The following DNAH6 variants were observed in gnomAD, a reference collection of about 807,000 sequenced individuals.
DNAH6 encodes axonemal beta dynein heavy chain 6.
A neutral mutation model predicts 491.4 loss-of-function variants in DNAH6; 340 were observed. The observed-to-expected ratio is 0.69, with a 90% CI of 0.63 to 0.76. The LOEUF is 0.76. DNAH6 is among the 30% of genes least tolerant of loss of function. The pLI is 0.00. For missense variants in DNAH6, 4,443 were observed against 4,972.2 expected (o/e 0.89, Z 3.20); for synonymous variants, 1,603 against 1,686.1 (o/e 0.95, Z 1.21).
Position 84,650,633 on chromosome 2 carries a change from T to A in DNAH6, c.5079-2686T>A, listed in dbSNP as rs545841495. On this transcript the variant is annotated intron_variant, in intron 33 of 76. Transcript: ENST00000389394. ...TGTGTGTAGTCACATGTACCTATAG[T>A]CTTGGCTAGTCAGAAGGCTGAGGCG... Among the ~76,000 whole-genome samples the A allele has an allele frequency of 2.6e-5, 4 of 152,278 alleles. No homozygotes were observed. In the South Asian group the frequency reaches 8.3e-4, roughly 32 times the overall value.
intron 35 of DNAH6, among the ~76,000 whole-genome samples, chr2:84,656,351 G>A (rs1011505435): frequency 6.6e-6 from 1 of 152,064 alleles, no homozygotes; most frequent in Non-Finnish European, 1.5e-5. Flanking sequence ...GTTTAGCTTT[G>A]TAAGAAACTG....
chr2:84,677,520 A>C (rs769892469), intron 41 of DNAH6, among the ~76,000 whole-genome samples: 1 of 152,208 alleles, frequency 6.6e-6, no homozygotes, highest in Non-Finnish European at 1.5e-5. Context: ...ACTTGCCACC[A>C]AACTTGGCAC....
At chr2:84,703,690 A>ATT in intron 50 of DNAH6, 128 bp downstream of exon 50, 14 of 821,344 alleles carry the variant, frequency 1.7e-5, no homozygotes, top group South Asian at 6.7e-5. Context: ...GATTTAGCAA[A>ATT]GTTTTTTTTT....
chr2:84,649,636 A>G (rs982757436), intron 33 of DNAH6, among the ~76,000 whole-genome samples: 3 of 152,192 alleles, frequency 2.0e-5, no homozygotes, highest in African/African-American at 4.8e-5. Flanking sequence ...CTGTGCAGCC[A>G]TAAAAAGGAA....
chr2:84,482,833 C>T, the DNAH6 span, among the ~76,000 whole-genome samples: 10 of 152,194 alleles, frequency 6.6e-5, no homozygotes, highest in South Asian at 2.1e-4. Context: ...TTCCATGCCT[C>T]CTTGGCTTAC....
At chr2:84,800,004 G>A (rs1293671231) in intron 70 of DNAH6, among the ~76,000 whole-genome samples, 2 of 152,272 alleles carry the variant, frequency 1.3e-5, no homozygotes, top group Middle Eastern at 3.4e-3. Context: ...CCCCCACTGA[G>A]GGCTATTGCA....
chr2:84,694,803 A>G (rs1695220254), intron 46 of DNAH6, among the ~76,000 whole-genome samples: 1 of 152,222 alleles, frequency 6.6e-6, no homozygotes, highest in Non-Finnish European at 1.5e-5. Context: ...CAAAAATTCA[A>G]TTAGGGAAAC....
intron 65 of DNAH6, among the ~76,000 whole-genome samples, chr2:84,783,436 CT>C (rs1367032648): frequency 6.6e-6 from 1 of 152,184 alleles, no homozygotes; most frequent in Non-Finnish European, 1.5e-5. Context: ...CTTCTTCTTT[CT>C]TTGGTTTTTT....
intron 20 of DNAH6, among the ~76,000 whole-genome samples, chr2:84,606,299 G>A (rs1035693420): frequency 2.0e-5 from 3 of 152,128 alleles, no homozygotes; most frequent in African/African-American, 4.8e-5. Context: ...CTCTGCGCAG[G>A]GGATGGGAGA....
At chr2:84,620,571 A>G (rs1687297030) in intron 24 of DNAH6, among the ~76,000 whole-genome samples, 1 of 152,102 alleles carries the variant, frequency 6.6e-6, no homozygotes, top group Admixed American at 6.6e-5. Flanking sequence ...ACACACAGGA[A>G]CTGTGTAGGG....
upstream of DNAH6, among the ~76,000 whole-genome samples, chr2:84,513,102 T>C (rs1379159809): frequency 6.6e-6 from 1 of 152,092 alleles, no homozygotes; most frequent in African/African-American, 2.4e-5. Flanking sequence ...TTGGTTCACT[T>C]TTTATCTATT....
rs189468894 is a variant in DNAH6, at chr2:84,787,369, G to A, written c.11239+67G>A. On this transcript the variant is annotated intron_variant, in intron 68 of 76. Transcript: ENST00000389394. ...CAAAGTTGTTGGTTTACTCCCACCTGGCCCTTACAAAGATGGTGTCCTCCC... is the reference window on the plus strand; with the variant it reads ...CAAAGTTGTTGGTTTACTCCCACCTAGCCCTTACAAAGATGGTGTCCTCCC... The A allele has an allele frequency of 6.1e-6, 8 of 1,313,808 alleles. No homozygotes were observed. The East Asian group carries it at 2.1e-4, about 35-fold the overall frequency. 81.4% of individuals were successfully genotyped at this position (1,313,808 alleles called of 1,614,324 possible).
intron 5 of DNAH6, among the ~76,000 whole-genome samples, chr2:84,546,959 C>T (rs543897616): frequency 6.6e-6 from 1 of 152,142 alleles, no homozygotes; most frequent in South Asian, 2.1e-4. Flanking sequence ...TAAGGTAACA[C>T]CCAGTTTTCT....
chr2:84,511,595 G>T (rs1169267255), upstream of DNAH6, among the ~76,000 whole-genome samples: 1 of 152,138 alleles, frequency 6.6e-6, no homozygotes, highest in Admixed American at 6.5e-5. Context: ...CCCACTTTCT[G>T]ACACTCCCCA....
At chr2:84,475,559 G>A in the DNAH6 span, among the ~76,000 whole-genome samples, 1 of 152,150 alleles carries the variant, frequency 6.6e-6, no homozygotes, top group Non-Finnish European at 1.5e-5. Flanking sequence ...GAGAAACGGG[G>A]CATATTCTTT....
intron 72 of DNAH6, among the ~76,000 whole-genome samples, chr2:84,808,973 CA>C (rs1679705233): frequency 1.3e-5 from 2 of 152,124 alleles, no homozygotes; most frequent in African/African-American, 4.8e-5. Context: ...GTGGTGTGTT[CA>C]ACATGTGGAT....
the DNAH6 span, among the ~76,000 whole-genome samples, chr2:84,484,272 G>T: frequency 2.6e-5 from 4 of 152,068 alleles, no homozygotes; most frequent in African/African-American, 2.4e-5. Context: ...TAGTCAATCT[G>T]CCATCTTCTC....
At chr2:84,568,143 A>T (rs1475370742) in intron 11 of DNAH6, among the ~76,000 whole-genome samples, 2 of 152,160 alleles carry the variant, frequency 1.3e-5, no homozygotes, top group Non-Finnish European at 2.9e-5. Context: ...AATTAGTTCA[A>T]CCATTGTGGA....
chr2:84,515,950 C>T (rs1436949683), upstream of DNAH6, among the ~76,000 whole-genome samples: 1 of 152,120 alleles, frequency 6.6e-6, no homozygotes. Context: ...AGTTGGAAGG[C>T]CACAGTGGAG....
Sources: gnomAD v4.1 joint callset for allele counts (sites outside exome capture counted in the v4.1 genomes callset) on GRCh38, gnomAD v4.1.1 for gene constraint, MANE v1.5 for transcripts, NCBI Gene and HGNC (gene_info 2026-07-23, HGNC 2026-07-21) for gene names.